The following WNK1 variants were observed in gnomAD, a reference collection of about 807,000 sequenced individuals.
WNK1 encodes the protein WNK lysine deficient protein kinase 1, also known as serine/threonine-protein kinase WNK1.
A neutral mutation model predicts 222.8 loss-of-function variants in WNK1; 38 were observed. That is an observed-to-expected ratio of 0.17 (90% CI 0.13 to 0.22). The LOEUF is 0.22. WNK1 is among the 10% of genes least tolerant of loss of function. WNK1 has a pLI of 1.00. For missense variants in WNK1, 2,348 were observed against 2,918.4 expected (o/e 0.80, Z 4.50); for synonymous variants, 1,090 against 1,092.9 (o/e 1.00, Z 0.05).
chr12:904,127 C>A (rs1955504811), intron 26 of WNK1, among the ~76,000 whole-genome samples: 3 of 152,152 alleles, frequency 2.0e-5, no homozygotes, highest in Admixed American at 2.0e-4. Context: ...ATTTGAAATT[C>A]AAGCAGTGAG....
At position 896,481 on chromosome 12, in the gene WNK1, G is replaced by T. The variant is rs1258835813; in HGVS notation, c.5994G>T (p.Lys1998Asn). ...CTGCTGTGATACCAAAGAAAGAGAAGCCTGAACTGTCAGAGCCTTCACATC... is the reference window on the plus strand; with the variant it reads ...CTGCTGTGATACCAAAGAAAGAGAATCCTGAACTGTCAGAGCCTTCACATC... ...VLPAVIPKKE[K>N]PELSEPSHLN... Residue 1998 changes from lysine (K) to asparagine (N), a missense_variant, in exon 24 of 28, where the codon AAG (lysine) becomes AAT (asparagine). Lys to Asn is a moderately conservative substitution (Grantham distance 94, BLOSUM62 0). Coordinates refer to ENST00000315939, the MANE Select transcript of WNK1 (RefSeq NM_018979.4). 5 of 1,613,864 alleles carry T rather than the reference G, an allele frequency of 3.1e-6. No individual in the cohort carries two copies. Among genetic ancestry groups the T allele is most frequent in the Non-Finnish European group, 4.2e-6 (5 of 1,179,990 alleles).
intron 1 of WNK1, among the ~76,000 whole-genome samples, chr12:805,765 T>C (rs1243863133): frequency 6.6e-6 from 1 of 152,176 alleles, no homozygotes; most frequent in Non-Finnish European, 1.5e-5. Flanking sequence ...AACTTATAAA[T>C]TGTCATTTAG....
chr12:903,026 C>T (rs1403613615), intron 26 of WNK1, among the ~76,000 whole-genome samples: 1 of 152,200 alleles, frequency 6.6e-6, no homozygotes, highest in Non-Finnish European at 1.5e-5. Context: ...GGCCTCTTCA[C>T]GGTGGGAAGA....
chr12:817,772 T>C (rs1947484483), intron 2 of WNK1, among the ~76,000 whole-genome samples: 1 of 151,970 alleles, frequency 6.6e-6, no homozygotes, highest in African/African-American at 2.4e-5. Flanking sequence ...TCCAACATGG[T>C]GAAACCCCAT....
intron 2 of WNK1, among the ~76,000 whole-genome samples, chr12:814,067 A>T (rs1202968771): frequency 6.6e-6 from 1 of 152,166 alleles, no homozygotes; most frequent in African/African-American, 2.4e-5. Context: ...TAATCCCAGC[A>T]CTTTGGGAGG....
chr12:845,089 G>T (rs1940786117), intron 4 of WNK1, among the ~76,000 whole-genome samples: 1 of 151,036 alleles, frequency 6.6e-6, no homozygotes, highest in African/African-American at 2.4e-5. Context: ...TAGAGACGGG[G>T]TTTCACCGTT....
At chr12:889,271 T>G (rs759984314) in intron 21 of WNK1, 48 bp downstream of exon 21, 1 of 1,480,200 alleles carries the variant, frequency 6.8e-7, no homozygotes, top group African/African-American at 1.4e-5. Context: ...CCTAATATAT[T>G]ATATGCCTGG....
chr12:895,879 A>T (rs552030677), intron 23 of WNK1, among the ~76,000 whole-genome samples, 192 bp from the exon 24 acceptor site: 1 of 152,358 alleles, frequency 6.6e-6, no homozygotes, highest in Admixed American at 6.5e-5. Context: ...TCTGCATCTC[A>T]GTACCCATGT....
intron 4 of WNK1, among the ~76,000 whole-genome samples, chr12:843,574 A>G (rs567386171): frequency 3.0e-4 from 45 of 152,314 alleles, no homozygotes; most frequent in African/African-American, 1.1e-3. Flanking sequence ...CTGTTACAAT[A>G]TGCTGTTTGG....
chr12:878,596 A>C (rs1952834167), intron 10 of WNK1, among the ~76,000 whole-genome samples: 1 of 152,132 alleles, frequency 6.6e-6, no homozygotes, highest in South Asian at 2.1e-4. Context: ...TGACAATCCA[A>C]AGTTTCACTT....
rs1366318294 is a variant in WNK1, at chr12:763,310, G to A, written c.759+8986G>A. Among the ~76,000 whole-genome samples the A allele has an allele frequency of 2.0e-5, 3 of 147,404 alleles. 1 individual carries two copies. The highest frequency in any genetic ancestry group is 4.5e-5 in the Non-Finnish European group (3 of 65,996). Reference sequence around the variant, plus strand: ...AAAAGTCGTGAATTGTTGGCTAGGCGTGGTGGCTCACGCTTGTAATCCCAA... The same window carrying A: ...AAAAGTCGTGAATTGTTGGCTAGGCATGGTGGCTCACGCTTGTAATCCCAA... On this transcript the variant is annotated intron_variant, in intron 1 of 27. Coordinates refer to ENST00000315939, the MANE Select transcript of WNK1 (RefSeq NM_018979.4).
rs187534119 is a variant in WNK1, at chr12:868,578, C to T, written c.2140-2687C>T. ...CACCCTGTCTTTGTTCCTCATTCTG[C>T]GCCTGCTGTGTTAACTCATAACAAT... On this transcript the variant is annotated intron_variant, in intron 8 of 27. Coordinates refer to ENST00000315939, the MANE Select transcript of WNK1 (RefSeq NM_018979.4). The T allele has an allele frequency of 1.2e-4, 191 of 1,613,924 alleles. No individual in the cohort carries two copies. Among genetic ancestry groups the T allele is most frequent in the Non-Finnish European group, 1.5e-4 (179 of 1,179,856 alleles).
chr12:767,550 C>T (rs1470490612), intron 1 of WNK1, among the ~76,000 whole-genome samples: 5 of 151,968 alleles, frequency 3.3e-5, no homozygotes, highest in East Asian at 1.9e-4. Flanking sequence ...CACGCCTGGC[C>T]GGGTTGATAG....
chr12:785,307 G>T (rs1944160299), intron 1 of WNK1, among the ~76,000 whole-genome samples: 2 of 151,704 alleles, frequency 1.3e-5, no homozygotes, highest in Admixed American at 1.3e-4. Flanking sequence ...TTCATTTCTT[G>T]CCCTCTGTTT....
chr12:779,397 G>GTTTTT (rs5795950), intron 1 of WNK1, among the ~76,000 whole-genome samples: 1 of 124,270 alleles, frequency 8.0e-6, no homozygotes, highest in African/African-American at 3.0e-5. Flanking sequence ...TTTCTTTTCT[G>GTTTTT]TTTTTTTTTT....
intron 8 of WNK1, among the ~76,000 whole-genome samples, chr12:865,799 T>C (rs1255142448): frequency 6.6e-6 from 1 of 152,060 alleles, no homozygotes; most frequent in Non-Finnish European, 1.5e-5. Context: ...ATGAGTCCTT[T>C]TTTTTTTTAA....
intron 1 of WNK1, among the ~76,000 whole-genome samples, chr12:786,145 A>G (rs1342339565): frequency 1.3e-5 from 2 of 152,300 alleles, no homozygotes; most frequent in Admixed American, 6.5e-5. Flanking sequence ...AAAAATCTGT[A>G]TTTGTTAATT....
chr12:818,097 G>A (rs991997063), intron 2 of WNK1, among the ~76,000 whole-genome samples: 1 of 152,150 alleles, frequency 6.6e-6, no homozygotes, highest in African/African-American at 2.4e-5. Context: ...ACAATGTTTT[G>A]TAAGTACCAC....
At position 753,402 on chromosome 12, in the gene WNK1, C is replaced by A; in HGVS notation, c.-164C>A. 1.1e-6 allele frequency: 1 copy of A among 896,470 alleles called. No homozygotes were observed. Among genetic ancestry groups the A allele is most frequent in the Non-Finnish European group, 1.7e-6 (1 of 597,172 alleles). 55.5% of individuals were successfully genotyped at this position (896,470 alleles called of 1,614,324 possible). On this transcript the variant is annotated 5_prime_UTR_variant, in exon 1 of 28. In the 5' UTR this introduces an upstream ATG that the reference lacks. Coordinates refer to ENST00000315939, the MANE Select transcript of WNK1 (RefSeq NM_018979.4). The surrounding 1 kb of genome is among the most constrained non-coding windows in gnomAD (Gnocchi z 5.2). Reference sequence around the variant, plus strand: ...GCCGCAGCTGGGCCCAGCGGTCCGCCTGTCCCTCGTTGCGGCTTGTCGGTG... The same window carrying A: ...GCCGCAGCTGGGCCCAGCGGTCCGCATGTCCCTCGTTGCGGCTTGTCGGTG...
Sources: gnomAD v4.1 joint callset for allele counts (sites outside exome capture counted in the v4.1 genomes callset) on GRCh38, gnomAD v4.1.1 for gene constraint, Gnocchi (gnomAD v3.1) non-coding constraint, MANE v1.5 for transcripts, NCBI Gene and HGNC (gene_info 2026-07-23, HGNC 2026-07-21) for gene names.